CTNND2: variants seen among roughly 807,000 people sequenced by gnomAD.
CTNND2 encodes the protein catenin delta-2.
A neutral mutation model predicts 144.4 loss-of-function variants in CTNND2; 22 were observed. The ratio of observed to expected loss-of-function variants is 0.15; its 90% CI spans 0.11 to 0.22. The LOEUF is 0.22. Ranked by LOEUF, CTNND2 falls within the 10% of genes least tolerant of loss-of-function variation. The probability of loss-of-function intolerance (pLI) is 1.00; values close to 1 mark genes in which losing one functional copy is unlikely to be tolerated. For synonymous variants in CTNND2, 751 were observed against 695.6 expected, an observed-to-expected ratio of 1.08 and a Z score of -1.25; for missense variants, 1,353 against 1,618.8, an observed-to-expected ratio of 0.84 and a Z score of 2.82.
intron 12 of CTNND2, among the ~76,000 whole-genome samples, chr5:11,157,466 C>T (rs1196247511): frequency 6.6e-6 from 1 of 152,168 alleles, no homozygotes; most frequent in African/African-American, 2.4e-5. Flanking sequence ...TGTGCTGGGG[C>T]TCACCGGCTG....
At chr5:11,321,053 T>C (rs1334119605) in intron 9 of CTNND2, among the ~76,000 whole-genome samples, 1 of 152,188 alleles carries the variant, frequency 6.6e-6, no homozygotes, top group Non-Finnish European at 1.5e-5. Context: ...CTCAAATAAA[T>C]GCAGAGCTAA....
chr5:11,548,628 C>G (rs1775470270), intron 3 of CTNND2, among the ~76,000 whole-genome samples: 1 of 152,102 alleles, frequency 6.6e-6, no homozygotes, highest in Non-Finnish European at 1.5e-5. Context: ...CACCTCAGAG[C>G]TATATTTGGT....
In CTNND2 at chr5:11,721,203, A is replaced by G. The variant is rs117650937; in HGVS notation, c.174+10933T>C. On this transcript the variant is annotated intron_variant, in intron 2 of 21. Coordinates refer to ENST00000304623, the MANE Select transcript of CTNND2 (RefSeq NM_001332.4). ...CTTGAAACATTATGATAAGCAATAT[A>G]AGCCCTTTAGAAAAGACCATATATT... 1.8e-3 allele frequency among the ~76,000 whole-genome samples: 274 copies of G among 152,334 alleles called. 13 individuals carry two copies. In the East Asian group the frequency reaches 0.05, roughly 28 times the overall value.
intron 3 of CTNND2, among the ~76,000 whole-genome samples, chr5:11,546,845 G>C (rs926780815): frequency 6.6e-5 from 10 of 152,122 alleles, no homozygotes; most frequent in Non-Finnish European, 1.5e-4. Flanking sequence ...ACACAAGGCA[G>C]ATATGGCATT....
At chr5:11,497,640 G>A (rs1039299619) in intron 3 of CTNND2, among the ~76,000 whole-genome samples, 3 of 151,380 alleles carry the variant, frequency 2.0e-5, no homozygotes, top group Non-Finnish European at 2.9e-5. Context: ...ATAGACACAG[G>A]CAAAGGTGAA....
chr5:11,806,412 A>AT (rs1792003074), intron 1 of CTNND2, among the ~76,000 whole-genome samples: 1 of 152,168 alleles, frequency 6.6e-6, no homozygotes, highest in African/African-American at 2.4e-5. Flanking sequence ...CACTGCCCAC[A>AT]TGTCACTCTA....
intron 2 of CTNND2, among the ~76,000 whole-genome samples, chr5:11,703,630 A>C (rs537342559): frequency 4.3e-4 from 66 of 152,352 alleles, no homozygotes; most frequent in Admixed American, 4.2e-3. Context: ...CAAGATTTAG[A>C]GTGGAATAAA....
intron 12 of CTNND2, among the ~76,000 whole-genome samples, chr5:11,123,509 C>G (rs1245449290): frequency 6.6e-6 from 1 of 152,212 alleles, no homozygotes; most frequent in Non-Finnish European, 1.5e-5. Context: ...CAAGGCACAC[C>G]AACTGTTTCG....
At chr5:11,435,966 A>G (rs1269751946) in intron 3 of CTNND2, among the ~76,000 whole-genome samples, 1 of 152,192 alleles carries the variant, frequency 6.6e-6, no homozygotes, top group Non-Finnish European at 1.5e-5. Context: ...TGGCGAAGAT[A>G]AAATAACAGT....
At chr5:11,365,618 T>C (rs1270164298) in intron 7 of CTNND2, among the ~76,000 whole-genome samples, 14 of 152,206 alleles carry the variant, frequency 9.2e-5, no homozygotes, top group Non-Finnish European at 4.4e-5. Flanking sequence ...GTCACTTCAT[T>C]GCATGATATG....
intron 2 of CTNND2, among the ~76,000 whole-genome samples, chr5:11,653,728 CT>C (rs926865205): frequency 2.7e-5 from 4 of 149,706 alleles, no homozygotes; most frequent in African/African-American, 9.8e-5. Context: ...TGTGTCAAAA[CT>C]TTTTAGTTTG....
chr5:11,558,361 T>C (rs1776401664), intron 3 of CTNND2, among the ~76,000 whole-genome samples: 1 of 103,016 alleles, frequency 9.7e-6, no homozygotes, highest in South Asian at 3.6e-4. Context: ...TGTGTGTGTG[T>C]GTGTGTGTGT....
intron 15 of CTNND2, 50 bp downstream of exon 15, chr5:11,098,525 G>A: frequency 1.3e-6 from 2 of 1,491,638 alleles, no homozygotes; most frequent in Non-Finnish European, 9.1e-7. Context: ...GTTTTCTGAG[G>A]AGTTGCTCAT....
At chr5:11,617,064 G>A (rs1289608124) in intron 2 of CTNND2, among the ~76,000 whole-genome samples, 3 of 151,988 alleles carry the variant, frequency 2.0e-5, no homozygotes, top group South Asian at 2.1e-4. Context: ...ATATCTACTC[G>A]TATCAGACCT....
At chr5:11,443,071 T>C (rs900009888) in intron 3 of CTNND2, among the ~76,000 whole-genome samples, 25 of 151,182 alleles carry the variant, frequency 1.7e-4, no homozygotes, top group Non-Finnish European at 3.0e-4. Context: ...CCCACTGATA[T>C]GACCCAATGA....
At chr5:11,604,304 C>T (rs1383352517) in intron 2 of CTNND2, among the ~76,000 whole-genome samples, 1 of 152,236 alleles carries the variant, frequency 6.6e-6, no homozygotes, top group Non-Finnish European at 1.5e-5. Context: ...AATTTACAAA[C>T]TCTCTACTTG....
At chr5:11,261,670 T>C (rs750514489) in intron 9 of CTNND2, among the ~76,000 whole-genome samples, 1 of 152,210 alleles carries the variant, frequency 6.6e-6, no homozygotes, top group Non-Finnish European at 1.5e-5. Context: ...CCAAGATGGA[T>C]ATAGGGGATC....
At chr5:11,090,467 T>C (rs1019709532) in intron 15 of CTNND2, among the ~76,000 whole-genome samples, 3 of 152,134 alleles carry the variant, frequency 2.0e-5, no homozygotes, top group African/African-American at 4.8e-5. Flanking sequence ...GAGTGGTAGG[T>C]GAGTGAGCAT....
intron 2 of CTNND2, among the ~76,000 whole-genome samples, chr5:11,567,535 T>A (rs977042531): frequency 6.6e-6 from 1 of 152,226 alleles, no homozygotes; most frequent in Non-Finnish European, 1.5e-5. Context: ...AATTCAATTT[T>A]TTTTTTCCTT....
Sources: gnomAD v4.1 joint callset for allele counts (sites outside exome capture counted in the v4.1 genomes callset) on GRCh38, gnomAD v4.1.1 for gene constraint, MANE v1.5 for transcripts, NCBI Gene and HGNC (gene_info 2026-07-23, HGNC 2026-07-21) for gene names.